The following R3HDM4 variants were observed in gnomAD, a reference collection of about 807,000 sequenced individuals.
R3HDM4 encodes R3H domain-containing protein 4.
Under a neutral mutation model 31.3 loss-of-function variants are expected in R3HDM4, and 30 were observed. The ratio of observed to expected loss-of-function variants is 0.96; its 90% CI spans 0.72 to 1.30. R3HDM4 has a LOEUF of 1.30. Among genes scored for constraint, R3HDM4 ranks in the 50% most tolerant of loss-of-function variants. The probability of loss-of-function intolerance (pLI) is 0.00; values close to 1 mark genes in which losing one functional copy is unlikely to be tolerated. For missense variants in R3HDM4, 444 were observed against 366.1 expected, an observed-to-expected ratio of 1.21 and a Z score of -1.74; for synonymous variants, 196 against 156.6, an observed-to-expected ratio of 1.25 and a Z score of -1.88.
intron 2 of R3HDM4, 146 bp from the exon 3 acceptor site, chr19:901,692 A>G (rs910476400): frequency 9.4e-7 from 1 of 1,065,382 alleles, no homozygotes; most frequent in African/African-American, 1.6e-5. Flanking sequence ...GAAGGTACAG[A>G]GACCACCTAG....
At chr19:897,992 G>A (rs115107146) in intron 7 of R3HDM4, among the ~76,000 whole-genome samples, 4,593 of 152,210 alleles carry the variant, frequency 0.03, 215 homozygotes, top group African/African-American at 0.11. Context: ...ACCTGGCCAG[G>A]CGCAGTGGCT....
At chr19:910,957 A>C (rs1316573635) in intron 1 of R3HDM4, among the ~76,000 whole-genome samples, 2 of 151,224 alleles carry the variant, frequency 1.3e-5, no homozygotes, top group African/African-American at 4.9e-5. Flanking sequence ...CGTCTCTACT[A>C]AAAATACAAA....
Position 901,202 on chromosome 19 carries a change from CA to C in R3HDM4, c.351+219del, listed in dbSNP as rs1316990606. On this transcript the variant is annotated intron_variant, in intron 3 of 7. Coordinates refer to ENST00000361574, the MANE Select transcript of R3HDM4 (RefSeq NM_138774.4). ...ACTCCTGCAATCGTTGGAGGGTTCC[CA>C]AACGTGTTGGGCAGGTGAATCCAGG... The C allele has an allele frequency of 2.4e-4, 160 of 674,840 alleles. 1 individual carries two copies. In the South Asian group the frequency reaches 2.8e-3, roughly 12 times the overall value. The allele number at this position is 674,840 out of a possible 1,614,324, so 41.8% of individuals were successfully genotyped here. A position where few individuals can be genotyped will look rare whatever the true frequency, so the allele number is the denominator to read the frequency against.
chr19:898,819 G>GGCT (rs911693537), intron 7 of R3HDM4, among the ~76,000 whole-genome samples: 1 of 152,088 alleles, frequency 6.6e-6, no homozygotes, highest in African/African-American at 2.4e-5. Flanking sequence ...CAGGCATGGG[G>GGCT]GCTGCGTCTC....
intron 1 of R3HDM4, among the ~76,000 whole-genome samples, chr19:906,149 G>C (rs1637869): frequency 0.31 from 46,179 of 149,538 alleles, 8,872 homozygotes; most frequent in African/African-American, 0.54. Context: ...CTCAGCCTCC[G>C]GAGTAGCTGG....
chr19:900,216 G>A (rs1023536901), intron 4 of R3HDM4, 70 bp from the exon 5 acceptor site: 22 of 1,294,984 alleles, frequency 1.7e-5, no homozygotes, highest in Middle Eastern at 5.5e-4. Flanking sequence ...GCCAGACCAC[G>A]CCCACCCAGG....
intron 1 of R3HDM4, chr19:902,350 C>G (rs1431163537): frequency 1.8e-6 from 1 of 560,058 alleles, no homozygotes; most frequent in Non-Finnish European, 3.2e-6. Flanking sequence ...TGGCTCATGC[C>G]GGTGATCCCA....
At position 897,162 on chromosome 19, in the gene R3HDM4, A is replaced by G. The variant is rs1430939511; in HGVS notation, c.*275T>C. 1 of 387,694 alleles carries G rather than the reference A, an allele frequency of 2.6e-6. No homozygotes were observed. Among genetic ancestry groups the G allele is most frequent in the Non-Finnish European group, 4.6e-6 (1 of 216,764 alleles). The allele number at this position is 387,694 out of a possible 1,614,324, so 24.0% of individuals were successfully genotyped here. On this transcript the variant is annotated 3_prime_UTR_variant, in exon 8 of 8. Coordinates refer to ENST00000361574, the MANE Select transcript of R3HDM4 (RefSeq NM_138774.4). ...CAGACCGGGCCAGAAAAGCTCAACG[A>G]TGAAGAAACAGGAACATGCCCAGGT...
At chr19:898,953 C>G (rs924712342) in intron 7 of R3HDM4, among the ~76,000 whole-genome samples, 4 of 152,278 alleles carry the variant, frequency 2.6e-5, no homozygotes, top group African/African-American at 9.6e-5. Context: ...CTGGGGCCGG[C>G]GGCGCCTGCA....
chr19:903,286 C>A (rs1484301227), intron 1 of R3HDM4, among the ~76,000 whole-genome samples: 1 of 151,036 alleles, frequency 6.6e-6, no homozygotes, highest in Non-Finnish European at 1.5e-5. Context: ...GAGGAGAGTG[C>A]GGCTGCAGCG....
intron 1 of R3HDM4, among the ~76,000 whole-genome samples, chr19:903,902 T>G (rs1193279276): frequency 6.6e-6 from 1 of 151,936 alleles, no homozygotes; most frequent in African/African-American, 2.4e-5. Flanking sequence ...TACAAAAAAA[T>G]TAGCCGGGCG....
intron 2 of R3HDM4, chr19:901,768 G>GGCCAA: frequency 1.4e-6 from 1 of 727,292 alleles, no homozygotes; most frequent in Non-Finnish European, 2.2e-6. Context: ...TGCCCGGGGC[G>GGCCAA]CCCTCCCACC....
intron 1 of R3HDM4, among the ~76,000 whole-genome samples, chr19:910,843 G>A (rs925381262): frequency 2.0e-5 from 3 of 151,988 alleles, no homozygotes; most frequent in Non-Finnish European, 4.4e-5. Context: ...AATACTAGCC[G>A]GCGCGGTGGC....
At position 899,474 on chromosome 19, in the gene R3HDM4, G is replaced by A. The variant is rs139623634; in HGVS notation, c.669C>T (p.His223=). The change falls in exon 7 of 8, where the codon CAC becomes CAT. Residue 223 remains histidine, a synonymous_variant. Coordinates refer to ENST00000361574, the MANE Select transcript of R3HDM4 (RefSeq NM_138774.4). The surrounding 1 kb of genome is among the most constrained non-coding windows in gnomAD (Gnocchi z 6.8). ...TGAGGTCCATGTACTGGCAGACAGC[G>A]TGCAGCAGAAGCCTCTCGAAGCTGT... ...LDNSFERLLL[H]AVCQYMDLIS... is the part of the protein sequence containing the mutation. 213 of 1,613,698 alleles carry A rather than the reference G, an allele frequency of 1.3e-4. 1 individual carries two copies. The East Asian group carries it at 2.5e-3, about 19-fold the overall frequency.
chr19:899,422 G>A lies in R3HDM4; in HGVS notation c.703+18C>T. On this transcript the variant is annotated intron_variant, in intron 7 of 7. Transcript: ENST00000361574. The surrounding 1 kb of genome is among the most constrained non-coding windows in gnomAD (Gnocchi z 6.8). ...TTGAGCTGGCCAACTTGGGGTCTTG[G>A]GGGCCACCGGCACTTACTGGCCGAG... 1 of 1,613,402 alleles carries A rather than the reference G, an allele frequency of 6.2e-7. No homozygotes were observed. Among genetic ancestry groups the A allele is most frequent in the Non-Finnish European group, 8.5e-7 (1 of 1,179,796 alleles).
intron 7 of R3HDM4, among the ~76,000 whole-genome samples, chr19:898,703 C>T (rs2036778602): frequency 6.6e-6 from 1 of 152,156 alleles, no homozygotes; most frequent in Non-Finnish European, 1.5e-5. Context: ...TCCTCTACTC[C>T]CCATCTTGCT....
intron 1 of R3HDM4, among the ~76,000 whole-genome samples, 180 bp downstream of exon 1, chr19:912,907 C>A (rs1481427381): frequency 1.3e-5 from 2 of 149,318 alleles, no homozygotes; most frequent in Non-Finnish European, 3.0e-5. Context: ...GGGTCCACAG[C>A]GGGCGAGAAG....
In R3HDM4 at chr19:897,384, C is replaced by A. The variant is rs551876745; in HGVS notation, c.*53G>T. 2.2e-6 allele frequency: 3 copies of A among 1,333,954 alleles called. No individual in the cohort carries two copies. In the South Asian group the frequency reaches 4.0e-5, roughly 18 times the overall value. 82.6% of individuals were successfully genotyped at this position (1,333,954 alleles called of 1,614,324 possible). A position where few individuals can be genotyped will look rare whatever the true frequency, so the allele number is the denominator to read the frequency against. ...TGAAAGATATTTTAGCCGAAGGTAT[C>A]GGAGGGCTTGATGGCTGGGCGAGGT... On this transcript the variant is annotated 3_prime_UTR_variant, in exon 8 of 8. Coordinates refer to ENST00000361574, the MANE Select transcript of R3HDM4 (RefSeq NM_138774.4).
At chr19:911,938 G>A (rs887242432) in intron 1 of R3HDM4, among the ~76,000 whole-genome samples, 2 of 150,826 alleles carry the variant, frequency 1.3e-5, no homozygotes, top group East Asian at 2.0e-4. Context: ...GAGTGGGGCC[G>A]GGCGTGCGGC....
Sources: allele counts gnomAD v4.1 joint callset (sites outside exome capture counted in the v4.1 genomes callset), GRCh38; gene constraint gnomAD v4.1.1; non-coding constraint Gnocchi (gnomAD v3.1); transcripts MANE v1.5; gene names NCBI Gene and HGNC (gene_info 2026-07-23, HGNC 2026-07-21).